The following NRG1 variants were observed in gnomAD, a reference collection of about 807,000 sequenced individuals.
NRG1 encodes the protein neuregulin 1, also known as pro-neuregulin-1, membrane-bound isoform.
In NRG1, 18 loss-of-function variants were observed where a neutral mutation model predicts 63.8. The ratio of observed to expected loss-of-function variants is 0.28; its 90% CI spans 0.19 to 0.42. The LOEUF is 0.42. Ranked by LOEUF, NRG1 falls within the 10% of genes least tolerant of loss-of-function variation. NRG1 has a pLI of 1.00. For missense variants in NRG1, 762 were observed against 814.7 expected, an observed-to-expected ratio of 0.94 and a Z score of 0.79; for synonymous variants, 302 against 301.3, an observed-to-expected ratio of 1.00 and a Z score of -0.02.
chr8:31,751,069 A>C (rs1751666613), intron 1 of NRG1, among the ~76,000 whole-genome samples: 1 of 152,012 alleles, frequency 6.6e-6, no homozygotes, highest in African/African-American at 2.4e-5. Context: ...TCAATCCCCA[A>C]AGTATAGATT....
At chr8:32,048,665 A>G (rs568554287) in intron 1 of NRG1, among the ~76,000 whole-genome samples, 4 of 151,730 alleles carry the variant, frequency 2.6e-5, no homozygotes, top group African/African-American at 9.7e-5. Flanking sequence ...AGCCATTCTA[A>G]TAGGTGTGAG....
chr8:31,985,253 C>G (rs1809857898), intron 1 of NRG1, among the ~76,000 whole-genome samples: 2 of 151,958 alleles, frequency 1.3e-5, no homozygotes, highest in African/African-American at 4.8e-5. Context: ...TGATTCTAGA[C>G]CAAGCACTTA....
chr8:31,846,649 G>A (rs1826717494), intron 1 of NRG1, among the ~76,000 whole-genome samples: 1 of 152,208 alleles, frequency 6.6e-6, no homozygotes, highest in South Asian at 2.1e-4. Flanking sequence ...ACAATGGAAT[G>A]TGTCATAAGG....
At chr8:32,470,999 C>G (rs544856194) in intron 1 of NRG1, among the ~76,000 whole-genome samples, 1 of 152,274 alleles carries the variant, frequency 6.6e-6, no homozygotes, top group Admixed American at 6.5e-5. Context: ...AGAGACATCT[C>G]TCTATGTTGC....
intron 1 of NRG1, among the ~76,000 whole-genome samples, chr8:31,741,607 A>G (rs967327767): frequency 6.6e-6 from 1 of 152,058 alleles, no homozygotes; most frequent in Non-Finnish European, 1.5e-5. Context: ...AATGGCCGAT[A>G]AACATTAAAA....
intron 1 of NRG1, among the ~76,000 whole-genome samples, chr8:32,176,097 C>A (rs1840699104): frequency 6.6e-6 from 1 of 152,126 alleles, no homozygotes; most frequent in Non-Finnish European, 1.5e-5. Context: ...GCTACAGTAA[C>A]CAAAACAGCA....
At chr8:31,904,101 G>A (rs1832323298) in intron 1 of NRG1, among the ~76,000 whole-genome samples, 1 of 152,168 alleles carries the variant, frequency 6.6e-6, no homozygotes, top group Non-Finnish European at 1.5e-5. Context: ...AGCTCCAAAT[G>A]TGGTGCACTT....
intron 1 of NRG1, among the ~76,000 whole-genome samples, chr8:32,500,407 C>T (rs28406305): frequency 0.28 from 42,268 of 152,082 alleles, 6,263 homozygotes; most frequent in South Asian, 0.35. Context: ...AGGCTAGGAA[C>T]GCTATAAACC....
At chr8:31,991,002 G>A (rs969324592) in intron 1 of NRG1, among the ~76,000 whole-genome samples, 7 of 152,022 alleles carry the variant, frequency 4.6e-5, no homozygotes, top group Non-Finnish European at 1.0e-4. Flanking sequence ...CTTGAAAGTT[G>A]TTACTTTAAA....
chr8:31,792,003 A>G (rs1370352768), intron 1 of NRG1, among the ~76,000 whole-genome samples: 1 of 152,128 alleles, frequency 6.6e-6, no homozygotes, highest in African/African-American at 2.4e-5. Context: ...ATTTCTTGGC[A>G]TACTTCAAGC....
chr8:31,640,171 T>C lies in NRG1; in HGVS notation c.37+740T>C. ...GGCTCCCGCGGGGGCCTCGGTGTGC[T>C]ACTCGTCCCCGCCCAGCGTGGGATC... On this transcript the variant is annotated intron_variant, in intron 1 of 10. Transcript: ENST00000519301. This position sits in a 1 kb window ranked among gnomAD's most constrained non-coding sequence, Gnocchi z 6.3. The C allele has an allele frequency of 1.7e-6, 2 of 1,186,308 alleles. No individual in the cohort carries two copies. Among genetic ancestry groups the C allele is most frequent in the East Asian group, 3.7e-5 (1 of 26,720 alleles). The allele number at this position is 1,186,308 out of a possible 1,614,324, so 73.5% of individuals were successfully genotyped here.
At position 32,697,965 on chromosome 8, in the gene NRG1, T is replaced by C. The variant is rs1813788567; in HGVS notation, c.503-29984T>C. Reference sequence around the variant, plus strand: ...GTTCACGCCTGTAATCCCAGCACTTTGGGAGGCCAAGGCAGGCAGATCACG... The same window carrying C: ...GTTCACGCCTGTAATCCCAGCACTTCGGGAGGCCAAGGCAGGCAGATCACG... On this transcript the variant is annotated intron_variant, in intron 5 of 11. Coordinates refer to ENST00000356819, the Ensembl canonical transcript of NRG1. Among the ~76,000 whole-genome samples the C allele has an allele frequency of 2.0e-5, 3 of 152,182 alleles. No individual in the cohort carries two copies. The South Asian group carries it at 6.2e-4, about 32-fold the overall frequency.
chr8:32,630,292 A>T (rs1451204635), intron 5 of NRG1, among the ~76,000 whole-genome samples: 6 of 152,222 alleles, frequency 3.9e-5, no homozygotes, highest in Non-Finnish European at 8.8e-5. Flanking sequence ...AGCAAGATAC[A>T]GAAATAGACA....
At chr8:31,850,605 C>T (rs1457095885) in intron 1 of NRG1, among the ~76,000 whole-genome samples, 1 of 152,208 alleles carries the variant, frequency 6.6e-6, no homozygotes, top group Admixed American at 6.5e-5. Flanking sequence ...TGCCTGCTCA[C>T]TTGCTTTCTG....
At chr8:31,866,418 C>CT (rs1563502972) in intron 1 of NRG1, among the ~76,000 whole-genome samples, 1 of 152,018 alleles carries the variant, frequency 6.6e-6, no homozygotes, top group South Asian at 2.1e-4. Flanking sequence ...AAACGATAAT[C>CT]TTTTTTTATT....
At chr8:32,281,124 T>C (rs1156387212) in intron 1 of NRG1, among the ~76,000 whole-genome samples, 3 of 150,934 alleles carry the variant, frequency 2.0e-5, no homozygotes, top group African/African-American at 7.3e-5. Context: ...GGGTTTGGTG[T>C]ACAAATTATT....
At position 32,109,380 on chromosome 8, in the gene NRG1, T is replaced by G. The variant is rs533815469; in HGVS notation, c.37+469949T>G. On this transcript the variant is annotated intron_variant, in intron 1 of 10. Coordinates refer to the NRG1 transcript ENST00000519301. ...TCCAGGAAAAGCTTATTAAACAGAT[T>G]ATGAGAACTAGACAAGACTTTTGAG... Among the ~76,000 whole-genome samples, 11 of 152,322 alleles carry G rather than the reference T, an allele frequency of 7.2e-5. No individual in the cohort carries two copies. The East Asian group carries it at 1.9e-3, about 27-fold the overall frequency.
intron 1 of NRG1, among the ~76,000 whole-genome samples, chr8:32,200,963 A>G (rs139164827): frequency 6.6e-6 from 1 of 152,218 alleles, no homozygotes; most frequent in East Asian, 1.9e-4. Context: ...CCTTATGCAG[A>G]CTTCCAACTC....
At chr8:32,388,180 A>C (rs17635097) in intron 1 of NRG1, among the ~76,000 whole-genome samples, 53,093 of 152,020 alleles carry the variant, frequency 0.35, 9,751 homozygotes, top group Middle Eastern at 0.43. Context: ...TATTGCCAGT[A>C]TTACCCCTTA....
Sources: gnomAD v4.1 joint callset for allele counts (sites outside exome capture counted in the v4.1 genomes callset) on GRCh38, gnomAD v4.1.1 for gene constraint, Gnocchi (gnomAD v3.1) non-coding constraint, MANE v1.5 for transcripts, NCBI Gene and HGNC (gene_info 2026-07-23, HGNC 2026-07-21) for gene names.